The following GRM7 variants were observed in gnomAD, a reference collection of about 807,000 sequenced individuals.
GRM7 encodes the protein glutamate metabotropic receptor 7.
A neutral mutation model predicts 84.5 loss-of-function variants in GRM7; 35 were observed. That is an observed-to-expected ratio of 0.41 (90% CI 0.32 to 0.55). GRM7 has a LOEUF of 0.55. Ranked by LOEUF, GRM7 falls within the 20% of genes least tolerant of loss-of-function variation. The pLI, the probability that GRM7 is intolerant of heterozygous loss-of-function variation, is 0.19. For synonymous variants in GRM7, 487 were observed against 455.1 expected (o/e 1.07, Z -0.89); for missense variants, 1,003 against 1,194.6 (o/e 0.84, Z 2.36).
intron 8 of GRM7, among the ~76,000 whole-genome samples, chr3:7,584,364 C>A (rs1695412239): frequency 6.6e-6 from 1 of 152,116 alleles, no homozygotes; most frequent in Admixed American, 6.6e-5. Flanking sequence ...GCCTGTTCTA[C>A]CTTAAGAGGA....
intron 1 of GRM7, among the ~76,000 whole-genome samples, chr3:6,903,475 T>C (rs1696466066): frequency 1.3e-5 from 2 of 152,150 alleles, no homozygotes; most frequent in South Asian, 4.1e-4. Flanking sequence ...GCATATGAAC[T>C]TAATTTATTG....
chr3:7,470,369 G>A (rs368300800), intron 7 of GRM7, among the ~76,000 whole-genome samples: 1 of 152,128 alleles, frequency 6.6e-6, no homozygotes, highest in African/African-American at 2.4e-5. Context: ...CTGAAAGAGA[G>A]GACTGCCTTA....
intron 1 of GRM7, among the ~76,000 whole-genome samples, chr3:6,950,764 C>A (rs1322830721): frequency 6.6e-6 from 1 of 152,228 alleles, no homozygotes; most frequent in Non-Finnish European, 1.5e-5. Context: ...GGCAGGCGCC[C>A]CTCCCCCAGC....
intron 1 of GRM7, among the ~76,000 whole-genome samples, chr3:6,920,156 A>G (rs1233266012): frequency 2.0e-5 from 3 of 152,194 alleles, no homozygotes; most frequent in Non-Finnish European, 4.4e-5. Flanking sequence ...TTCACCTTAA[A>G]TGCATTTATA....
chr3:7,488,694 A>G (rs759649889), intron 7 of GRM7, among the ~76,000 whole-genome samples: 1 of 152,176 alleles, frequency 6.6e-6, no homozygotes, highest in Non-Finnish European at 1.5e-5. Flanking sequence ...GACAGAAATT[A>G]TCTCTTTTCT....
intron 1 of GRM7, among the ~76,000 whole-genome samples, chr3:6,873,182 C>A (rs1695186820): frequency 6.6e-6 from 1 of 152,124 alleles, no homozygotes; most frequent in Non-Finnish European, 1.5e-5. Context: ...AGCGATTCTC[C>A]CGCCTCAGTC....
At chr3:6,878,259 T>A (rs979527656) in intron 1 of GRM7, among the ~76,000 whole-genome samples, 1 of 152,158 alleles carries the variant, frequency 6.6e-6, no homozygotes, top group Non-Finnish European at 1.5e-5. Context: ...ATGGCAAACA[T>A]TGACTTAAAG....
At chr3:7,354,699 T>A (rs1693314304) in intron 4 of GRM7, among the ~76,000 whole-genome samples, 2 of 152,136 alleles carry the variant, frequency 1.3e-5, no homozygotes, top group African/African-American at 4.8e-5. Context: ...GGCAGTGAAT[T>A]GTCAAAGCCT....
chr3:7,717,931 T>C (rs1701820977), intron 9 of GRM7, among the ~76,000 whole-genome samples: 1 of 152,204 alleles, frequency 6.6e-6, no homozygotes, highest in Admixed American at 6.5e-5. Flanking sequence ...TACATGTCAT[T>C]AAATCTGCTC....
At chr3:7,001,736 T>C (rs2124877953) in intron 1 of GRM7, among the ~76,000 whole-genome samples, 1 of 152,372 alleles carries the variant, frequency 6.6e-6, no homozygotes, top group South Asian at 2.1e-4. Context: ...TTTTGTTTAT[T>C]AATTTCTCTT....
At chr3:7,474,135 C>A (rs1376790419) in intron 7 of GRM7, among the ~76,000 whole-genome samples, 2 of 152,150 alleles carry the variant, frequency 1.3e-5, no homozygotes, top group Non-Finnish European at 2.9e-5. Context: ...GTCTTTTGTA[C>A]TATAACTTTC....
At chr3:6,919,286 A>G (rs1697040549) in intron 1 of GRM7, among the ~76,000 whole-genome samples, 1 of 151,154 alleles carries the variant, frequency 6.6e-6, no homozygotes, top group Admixed American at 6.6e-5. Context: ...GCAACCTCCA[A>G]CTCCTGGGTT....
chr3:7,075,890 A>C (rs1454919312), intron 1 of GRM7, among the ~76,000 whole-genome samples: 1 of 152,112 alleles, frequency 6.6e-6, no homozygotes, highest in Non-Finnish European at 1.5e-5. Flanking sequence ...TCTGGTTCAA[A>C]TGCCAGCCTA....
Position 6,863,324 on chromosome 3 carries a change from GCT to G in GRM7, c.519+1419_519+1420del, listed in dbSNP as rs1348134094. ...TACACGCTGATCCTGGCACCTTTAT[GCT>G]CCTCATATCTAGAGAACCGGCCCCT... On this transcript the variant is annotated intron_variant, in intron 1 of 9. Transcript: ENST00000357716. This position sits in a 1 kb window ranked among gnomAD's most constrained non-coding sequence, Gnocchi z 4.8. 2.0e-5 allele frequency among the ~76,000 whole-genome samples: 3 copies of G among 152,064 alleles called. No individual in the cohort carries two copies. Among genetic ancestry groups the G allele is most frequent in the African/African-American group, 7.2e-5 (3 of 41,398 alleles).
At chr3:7,609,754 A>C (rs1355818025) in intron 8 of GRM7, among the ~76,000 whole-genome samples, 1 of 152,224 alleles carries the variant, frequency 6.6e-6, no homozygotes, top group African/African-American at 2.4e-5. Flanking sequence ...TAGTATGATC[A>C]TGGAGTGACA....
rs76166903 is a variant in GRM7, at chr3:7,357,440, C to G, written c.1033+50788C>G. On this transcript the variant is annotated intron_variant, in intron 4 of 9. Transcript: ENST00000357716. The stretch of plus-strand genomic sequence containing the variant: ...ACCATAGAACTCATTTCCCCTCTTA[C>G]CCCCTTCAATAGTCATACCTGATGT... 6.1e-3 allele frequency among the ~76,000 whole-genome samples: 932 copies of G among 152,122 alleles called. 6 individuals are homozygous for G. The highest frequency in any genetic ancestry group is 0.021 in the African/African-American group (879 of 41,518).
intron 4 of GRM7, among the ~76,000 whole-genome samples, chr3:7,384,346 C>A (rs1694704506): frequency 6.6e-6 from 1 of 152,044 alleles, no homozygotes; most frequent in African/African-American, 2.4e-5. Flanking sequence ...ACATTTGTAT[C>A]AATTTTTGGA....
intron 9 of GRM7, among the ~76,000 whole-genome samples, chr3:7,708,890 T>C (rs1018523065): frequency 7.3e-5 from 11 of 151,466 alleles, no homozygotes; most frequent in African/African-American, 2.2e-4. Flanking sequence ...AATAGAAATA[T>C]AGAATATATG....
At chr3:7,673,796 T>C (rs1700025884) in intron 8 of GRM7, among the ~76,000 whole-genome samples, 1 of 152,210 alleles carries the variant, frequency 6.6e-6, no homozygotes, top group African/African-American at 2.4e-5. Flanking sequence ...AGCAGCAGCT[T>C]ACCGTGTTCA....
Sources: gnomAD v4.1 joint callset for allele counts (sites outside exome capture counted in the v4.1 genomes callset) on GRCh38, gnomAD v4.1.1 for gene constraint, Gnocchi (gnomAD v3.1) non-coding constraint, MANE v1.5 for transcripts, NCBI Gene and HGNC (gene_info 2026-07-23, HGNC 2026-07-21) for gene names.